The following FAM13B variants were observed in gnomAD, a reference collection of about 807,000 sequenced individuals.
FAM13B encodes protein FAM13B.
A neutral mutation model predicts 117.3 loss-of-function variants in FAM13B; 60 were observed. That is an observed-to-expected ratio of 0.51 (90% CI 0.42 to 0.63). The LOEUF is 0.63. Ranked by LOEUF, FAM13B falls within the 30% of genes least tolerant of loss-of-function variation. The probability of loss-of-function intolerance (pLI) is 0.00; values close to 1 mark genes in which losing one functional copy is unlikely to be tolerated. For synonymous variants in FAM13B, 332 were observed against 356.1 expected (o/e 0.93, Z 0.76); for missense variants, 972 against 1,091.9 (o/e 0.89, Z 1.55).
chr5:138,032,496 C>T (rs537345013), intron 1 of FAM13B, among the ~76,000 whole-genome samples: 9 of 152,312 alleles, frequency 5.9e-5, no homozygotes, highest in African/African-American at 2.2e-4. Flanking sequence ...TCTGGAGGGG[C>T]TGGAGGTGAG....
chr5:137,969,270 G>C (rs574574377), intron 10 of FAM13B, among the ~76,000 whole-genome samples: 18 of 152,192 alleles, frequency 1.2e-4, no homozygotes, highest in South Asian at 2.1e-4. Flanking sequence ...ATCTGAGAAC[G>C]GGCAGACTGC....
rs1482183500 is a variant in FAM13B at position 137,987,554 on chromosome 5, A to G, written c.953T>C (p.Ile318Thr). Residue 318 changes from isoleucine (I) to threonine (T), a missense_variant, in exon 9 of 24, where the codon ATA becomes ACA. Physicochemically the swap from Ile to Thr is moderately conservative, Grantham distance 89 (BLOSUM62 -1). Coordinates refer to ENST00000689681, the MANE Select transcript of FAM13B (RefSeq NM_001385994.1). ...EQHLFDLQSS[I>T]DHDLKNLQQQ... ...TTGTAAATTCTTAAGATCATGATCT[A>G]TGCTGCTCTGAAGATCAAAAAGGTG... 6.2e-7 allele frequency: 1 copy of G among 1,613,564 alleles called. No individual in the cohort carries two copies. Among genetic ancestry groups the G allele is most frequent in the East Asian group, 2.2e-5 (1 of 44,794 alleles).
chr5:137,983,289 T>C (rs1435408069), intron 10 of FAM13B, among the ~76,000 whole-genome samples: 1 of 150,144 alleles, frequency 6.7e-6, no homozygotes, highest in East Asian at 1.9e-4. Context: ...GAATCAAACC[T>C]TGCTGTTAGG....
intron 14 of FAM13B, 24 bp from the exon 15 acceptor site, chr5:137,954,400 G>C: frequency 6.3e-7 from 1 of 1,578,574 alleles, no homozygotes; most frequent in Non-Finnish European, 8.6e-7. Flanking sequence ...ACAAAGAATA[G>C]TACCATGGGT....
intron 3 of FAM13B, 38 bp downstream of exon 3, chr5:138,018,917 A>T: frequency 1.3e-6 from 2 of 1,529,178 alleles, no homozygotes; most frequent in Non-Finnish European, 1.8e-6. Flanking sequence ...TGTGTTTATT[A>T]AAACAAAAGC....
Position 138,020,043 on chromosome 5 carries a change from C to G in FAM13B, c.-35-897G>C, listed in dbSNP as rs577057530. On this transcript the variant is annotated intron_variant, in intron 2 of 23. Coordinates refer to ENST00000689681, the MANE Select transcript of FAM13B (RefSeq NM_001385994.1). ...GACATCAACTTTCAATAAGAGATGT[C>G]CTTTTATCAACACTGTTATTTCTTT... 77 of 945,676 alleles carry G rather than the reference C, an allele frequency of 8.1e-5. No homozygotes were observed. In the Admixed American group the frequency reaches 1.5e-3, roughly 19 times the overall value. 58.6% of individuals were successfully genotyped at this position (945,676 alleles called of 1,614,324 possible). A position where few individuals can be genotyped will look rare whatever the true frequency, so the allele number is the denominator to read the frequency against.
At chr5:137,957,371 G>A (rs1345257848) in intron 13 of FAM13B, among the ~76,000 whole-genome samples, 4 of 151,782 alleles carry the variant, frequency 2.6e-5, no homozygotes, top group East Asian at 1.9e-4. Flanking sequence ...GAGAAACTCC[G>A]TCTCTACTAA....
intron 10 of FAM13B, among the ~76,000 whole-genome samples, chr5:137,974,896 G>A (rs983043598): frequency 3.3e-5 from 5 of 152,042 alleles, no homozygotes; most frequent in Non-Finnish European, 7.4e-5. Flanking sequence ...GTAGAAGGGA[G>A]AATCAAAAGA....
intron 7 of FAM13B, among the ~76,000 whole-genome samples, chr5:137,996,696 A>AG (rs894059140): frequency 1.3e-4 from 20 of 151,978 alleles, no homozygotes; most frequent in African/African-American, 4.8e-4. Context: ...CGTTCAAGCG[A>AG]TTCTCCTGCC....
chr5:137,962,316 TG>T, intron 11 of FAM13B, 88 bp downstream of exon 11: 3 of 997,620 alleles, frequency 3.0e-6, no homozygotes, highest in South Asian at 1.4e-5. Flanking sequence ...ATATTTATAA[TG>T]GACATTCATC....
chr5:137,939,829 A>G lies in FAM13B; in HGVS notation c.*396T>C. ...TAAGAAAAAGGCAACAGAAGAATTC[A>G]GTATGAAGATTTTCCTCCAATTTTC... On this transcript the variant is annotated 3_prime_UTR_variant, in exon 24 of 24. Transcript: ENST00000689681. 1 of 1,271,994 alleles carries G rather than the reference A, an allele frequency of 7.9e-7. No individual in the cohort carries two copies. Among genetic ancestry groups the G allele is most frequent in the Non-Finnish European group, 9.9e-7 (1 of 1,009,102 alleles). The allele number at this position is 1,271,994 out of a possible 1,614,324, so 78.8% of individuals were successfully genotyped here.
chr5:137,968,899 G>A (rs574713559), intron 10 of FAM13B, among the ~76,000 whole-genome samples: 7 of 152,288 alleles, frequency 4.6e-5, no homozygotes, highest in East Asian at 3.9e-4. Flanking sequence ...ACGCTTTTCC[G>A]ACGGGCTTAA....
chr5:137,987,489 G>C lies in FAM13B; in HGVS notation c.1018C>G (p.His340Asp). The C allele has an allele frequency of 6.2e-7, 1 of 1,612,362 alleles. No individual in the cohort carries two copies. Among genetic ancestry groups the C allele is most frequent in the Non-Finnish European group, 8.5e-7 (1 of 1,179,142 alleles). Residue 340 changes from histidine to aspartate, a missense_variant, in exon 9 of 24, where the codon CAT (histidine) becomes GAT (aspartate). Physicochemically the swap from His to Asp is moderately conservative, Grantham distance 81. Transcript: ENST00000689681. ...TTATTAGATCCTTCCCCATCACAAT[G>C]AATACTTTCTGCTTCATTATTACAC... Reference protein sequence around the residue: ...VVCNNEAESIHCDGEGSNNQI... With the variant: ...VVCNNEAESIDCDGEGSNNQI...
At chr5:137,952,603 T>C (rs765247336) in intron 17 of FAM13B, 25 bp downstream of exon 17, 2 of 1,451,258 alleles carry the variant, frequency 1.4e-6, no homozygotes, top group East Asian at 2.4e-5. Flanking sequence ...AATGCAAATA[T>C]ATTACAAAAT....
At chr5:138,044,237 T>C (rs1439415742) in intron 1 of FAM13B, among the ~76,000 whole-genome samples, 2 of 152,108 alleles carry the variant, frequency 1.3e-5, no homozygotes, top group African/African-American at 4.8e-5. Context: ...CTAAAAAAGA[T>C]ATTTTAAAGT....
At chr5:138,034,972 C>G (rs951665400), upstream of FAM13B, among the ~76,000 whole-genome samples, 7 of 135,686 alleles carry the variant, frequency 5.2e-5, no homozygotes, top group Non-Finnish European at 4.6e-5. Flanking sequence ...GATGTAAGCT[C>G]CCAGAGGGAA....
chr5:137,983,035 C>CA (rs770669899), intron 10 of FAM13B, among the ~76,000 whole-genome samples: 7 of 151,768 alleles, frequency 4.6e-5, no homozygotes, highest in Non-Finnish European at 1.0e-4. Context: ...TAGGTAGAGC[C>CA]ATTAGACTAA....
intron 1 of FAM13B, among the ~76,000 whole-genome samples, chr5:138,049,907 C>T (rs941759821): frequency 1.3e-5 from 2 of 152,042 alleles, no homozygotes; most frequent in African/African-American, 4.8e-5. Context: ...GGAAGGATTG[C>T]CTGAGACTAG....
chr5:137,965,156 G>A (rs193114575), intron 10 of FAM13B, among the ~76,000 whole-genome samples: 18 of 152,194 alleles, frequency 1.2e-4, no homozygotes, highest in Admixed American at 1.0e-3. Flanking sequence ...GTGACAGAGC[G>A]AGCCTCTGTT....
Sources: allele counts gnomAD v4.1 joint callset (sites outside exome capture counted in the v4.1 genomes callset), GRCh38; gene constraint gnomAD v4.1.1; transcripts MANE v1.5; gene names NCBI Gene and HGNC (gene_info 2026-07-23, HGNC 2026-07-21).